Variants in FOXP1 observed in about 807,000 individuals in gnomAD.
FOXP1 encodes forkhead box P1.
In FOXP1, 15 loss-of-function variants were observed where a neutral mutation model predicts 98.2. The observed-to-expected ratio is 0.15, with a 90% confidence interval of 0.10 to 0.24. The LOEUF (loss-of-function observed/expected upper bound fraction) is 0.24. FOXP1 is among the 10% of genes least tolerant of loss of function. FOXP1 has a pLI of 1.00. For synonymous variants in FOXP1, 371 were observed against 314.5 expected, an observed-to-expected ratio of 1.18 and a Z score of -1.90; for missense variants, 633 against 848.5, an observed-to-expected ratio of 0.75 and a Z score of 3.15.
At chr3:71,162,872 T>C (rs955985675) in intron 6 of FOXP1, among the ~76,000 whole-genome samples, 3 of 152,246 alleles carry the variant, frequency 2.0e-5, no homozygotes, top group Non-Finnish European at 2.9e-5. Flanking sequence ...TTTTATTTTT[T>C]ACATTTGATA....
chr3:71,229,684 T>C (rs1008724637), intron 5 of FOXP1, among the ~76,000 whole-genome samples: 2 of 152,202 alleles, frequency 1.3e-5, no homozygotes, highest in Non-Finnish European at 2.9e-5. Context: ...CCGTGTCTCT[T>C]TCTTTCAGCT....
intron 4 of FOXP1, among the ~76,000 whole-genome samples, chr3:71,303,618 T>TG (rs1235650152): frequency 3.0e-4 from 45 of 152,276 alleles, no homozygotes; most frequent in African/African-American, 8.9e-4. Flanking sequence ...ATTTGACTAT[T>TG]GAAAAATATA....
chr3:71,195,984 C>T (rs2108365867), intron 6 of FOXP1, among the ~76,000 whole-genome samples: 1 of 152,254 alleles, frequency 6.6e-6, no homozygotes, highest in South Asian at 2.1e-4. Context: ...CCCCAACAAC[C>T]TGTTAAAAGC....
intron 4 of FOXP1, among the ~76,000 whole-genome samples, chr3:71,354,040 T>C (rs1315609): frequency 0.93 from 141,752 of 152,044 alleles, 66,925 homozygotes; most frequent in East Asian, 1. Flanking sequence ...GGCGCGGTGG[T>C]TCACGCCTGT....
At chr3:71,517,880 C>T (rs1252677674) in intron 2 of FOXP1, among the ~76,000 whole-genome samples, 2 of 152,332 alleles carry the variant, frequency 1.3e-5, no homozygotes, top group African/African-American at 4.8e-5. Flanking sequence ...AATGATTGTT[C>T]ATCTTACCTA....
intron 4 of FOXP1, among the ~76,000 whole-genome samples, chr3:71,314,477 G>A (rs1027775219): frequency 4.0e-5 from 6 of 151,378 alleles, no homozygotes; most frequent in Non-Finnish European, 8.8e-5. Context: ...GCAGTGAGCC[G>A]AGATAATGAC....
intron 2 of FOXP1, among the ~76,000 whole-genome samples, chr3:71,538,372 A>T (rs1385300992): frequency 6.6e-6 from 1 of 152,180 alleles, no homozygotes; most frequent in Admixed American, 6.5e-5. Context: ...TTTGTGTCTT[A>T]ATGGATTTGC....
At chr3:71,025,821 A>C (rs1335904168) in intron 11 of FOXP1, among the ~76,000 whole-genome samples, 1 of 152,320 alleles carries the variant, frequency 6.6e-6, no homozygotes, top group South Asian at 2.1e-4. Flanking sequence ...ATGAGTTTGA[A>C]AACTTCACAG....
intron 19 of FOXP1, among the ~76,000 whole-genome samples, chr3:70,966,697 T>A (rs368752164): frequency 1.3e-5 from 2 of 152,204 alleles, no homozygotes; most frequent in South Asian, 4.1e-4. Context: ...CCTAGGATTT[T>A]AGGACTAAAG....
intron 4 of FOXP1, among the ~76,000 whole-genome samples, chr3:71,316,847 G>A (rs1398842800): frequency 1.3e-5 from 2 of 151,850 alleles, no homozygotes; most frequent in Non-Finnish European, 2.9e-5. Context: ...TAGTAGAAAC[G>A]GGGTTTTACC....
chr3:71,524,199 A>G (rs2043197407), intron 2 of FOXP1, among the ~76,000 whole-genome samples: 1 of 152,158 alleles, frequency 6.6e-6, no homozygotes, highest in Admixed American at 6.5e-5. Context: ...ACCCGTCTCT[A>G]GTAAAAATAC....
intron 5 of FOXP1, among the ~76,000 whole-genome samples, chr3:71,280,100 G>A (rs1303632176): frequency 2.3e-5 from 3 of 129,826 alleles, no homozygotes; most frequent in Non-Finnish European, 4.7e-5. Context: ...TCCAGCCTGC[G>A]CAACAGAGTG....
In FOXP1 at chr3:71,098,401, T is replaced by C. The variant is rs979708183; in HGVS notation, c.282+14135A>G. On this transcript the variant is annotated intron_variant, in intron 7 of 20. Transcript: ENST00000649528. Reference sequence around the variant, plus strand: ...CAAAGGCAGGCACAGGGCATTAGGGTAGTCTAACCGCACTACAGGAATGTT... The same window carrying C: ...CAAAGGCAGGCACAGGGCATTAGGGCAGTCTAACCGCACTACAGGAATGTT... Among the ~76,000 whole-genome samples the C allele has an allele frequency of 4.6e-5, 7 of 152,170 alleles. No homozygotes were observed. The East Asian group carries it at 1.3e-3, about 29-fold the overall frequency.
chr3:71,208,536 T>TTGTGTGTGTGTGTGTGTG (rs1553780525), intron 5 of FOXP1, among the ~76,000 whole-genome samples: 2,815 of 149,372 alleles, frequency 0.019, 82 homozygotes, highest in African/African-American at 0.056. Flanking sequence ...GCATTTAAGT[T>TTGTGTGTGTGTGTGTGTG]TGTGTGTGTG....
chr3:71,201,715 G>C (rs2063686823), intron 5 of FOXP1, among the ~76,000 whole-genome samples: 2 of 152,032 alleles, frequency 1.3e-5, no homozygotes, highest in Admixed American at 1.3e-4. Flanking sequence ...ATTTGTCTTA[G>C]AGTAGGTAGC....
At chr3:71,158,717 G>T (rs2060975729) in intron 6 of FOXP1, among the ~76,000 whole-genome samples, 1 of 115,614 alleles carries the variant, frequency 8.6e-6, no homozygotes, top group Non-Finnish European at 1.7e-5. Flanking sequence ...TTCTCTTTCA[G>T]CCCACAGACC....
chr3:71,167,873 C>G (rs776811308), intron 6 of FOXP1, among the ~76,000 whole-genome samples: 1 of 152,130 alleles, frequency 6.6e-6, no homozygotes, highest in Non-Finnish European at 1.5e-5. Context: ...CTAAAAATTA[C>G]TTACTTGTAG....
At chr3:71,426,714 T>C (rs564320069) in intron 3 of FOXP1, among the ~76,000 whole-genome samples, 1 of 152,276 alleles carries the variant, frequency 6.6e-6, no homozygotes, top group East Asian at 1.9e-4. Flanking sequence ...CACTTAAAAA[T>C]TACCTTCTTG....
intron 5 of FOXP1, among the ~76,000 whole-genome samples, chr3:71,297,905 C>T (rs920912929): frequency 6.6e-6 from 1 of 152,100 alleles, no homozygotes; most frequent in South Asian, 2.1e-4. Flanking sequence ...CCATGCCTGG[C>T]CTGTTTAATC....
Sources: gnomAD v4.1 joint callset for allele counts (sites outside exome capture counted in the v4.1 genomes callset) on GRCh38, gnomAD v4.1.1 for gene constraint, MANE v1.5 for transcripts, NCBI Gene and HGNC (gene_info 2026-07-23, HGNC 2026-07-21) for gene names.